Variants in DPP9 observed in about 807,000 individuals in gnomAD.
DPP9 encodes dipeptidyl peptidase IV-related protein-2.
In DPP9, 50 loss-of-function variants were observed where a neutral mutation model predicts 110.7. The observed-to-expected ratio is 0.45, with a 90% confidence interval of 0.36 to 0.57. The LOEUF is 0.57. Ranked by LOEUF, DPP9 falls within the 20% of genes least tolerant of loss-of-function variation. The probability of loss-of-function intolerance (pLI) is 0.00; values close to 1 mark genes in which losing one functional copy is unlikely to be tolerated. For missense variants in DPP9, 1,022 were observed against 1,217.9 expected (o/e 0.84, Z 2.39); for synonymous variants, 561 against 514.4 (o/e 1.09, Z -1.23).
chr19:4,681,228 C>T (rs1015590069), intron 20 of DPP9, among the ~76,000 whole-genome samples: 11 of 152,204 alleles, frequency 7.2e-5, no homozygotes, highest in African/African-American at 2.7e-4. Flanking sequence ...CAGGGTTTGA[C>T]GCTGGAGTGC....
Position 4,695,210 on chromosome 19 carries a change from C to A in DPP9, c.1353+168G>T. The A allele has an allele frequency of 1.4e-6, 1 of 704,356 alleles. No homozygotes were observed. 43.6% of individuals were successfully genotyped at this position (704,356 alleles called of 1,614,324 possible). Reference sequence around the variant, plus strand: ...AATGGCTGCCAGACTCACCAACCCCCCTAGACCCTCTTCCCTGCCAGCCAG... The same window carrying A: ...AATGGCTGCCAGACTCACCAACCCCACTAGACCCTCTTCCCTGCCAGCCAG... On this transcript the variant is annotated intron_variant, in intron 12 of 21. Coordinates refer to ENST00000262960, the MANE Select transcript of DPP9 (RefSeq NM_139159.5). The surrounding 1 kb of genome is among the most constrained non-coding windows in gnomAD (Gnocchi z 4.7).
chr19:4,675,336 TTTC>T lies in DPP9; in HGVS notation c.*1225_*1227del, dbSNP rs2088724358. 6.7e-6 allele frequency: 1 copy of T among 148,236 alleles called. No homozygotes were observed. The highest frequency in any genetic ancestry group is 2.2e-4 in the South Asian group (1 of 4,522). 9.2% of individuals were successfully genotyped at this position (148,236 alleles called of 1,614,324 possible). On this transcript the variant is annotated 3_prime_UTR_variant, in exon 22 of 22. Transcript: ENST00000262960. ...TTCCATAATATGTAGAGGTGGTTTG[TTTC>T]TTTTTTTTTTTTTTCTTTTCTTTTT...
chr19:4,717,888 T>A (rs149198977), intron 3 of DPP9: 1,548 of 152,368 alleles, frequency 0.01, 13 homozygotes, highest in Middle Eastern at 0.02. Flanking sequence ...CACCACCCTA[T>A]GCTGTGGCTC....
At position 4,702,130 on chromosome 19, in the gene DPP9, T is replaced by G. The variant is rs1478467638; in HGVS notation, c.909A>C (p.Arg303=). The G allele has an allele frequency of 8.7e-6, 14 of 1,613,626 alleles. No homozygotes were observed. Among genetic ancestry groups the G allele is most frequent in the Non-Finnish European group, 1.2e-5 (14 of 1,179,714 alleles). The part of the protein sequence containing the change: ...WEGSEGLKTL[R]ILYEEVDESE... ...ACTCATCGACTTCCTCATACAGGAT[T>G]CGCAGCGTCTTGAGGCCCTCTGAAC... The change falls in exon 9 of 22, where the codon CGA becomes CGC. Residue 303 remains arginine, a synonymous_variant. Transcript: ENST00000262960.
At chr19:4,720,623 C>T (rs1449142070) in intron 2 of DPP9, among the ~76,000 whole-genome samples, 1 of 152,192 alleles carries the variant, frequency 6.6e-6, no homozygotes, top group Non-Finnish European at 1.5e-5. Flanking sequence ...GGCGATTTGG[C>T]CCCTCAGGGG....
intron 19 of DPP9, 25 bp downstream of exon 19, chr19:4,683,452 G>A (rs1263692836): frequency 6.2e-7 from 1 of 1,611,930 alleles, no homozygotes; most frequent in Non-Finnish European, 8.5e-7. Context: ...GGGCGTGGCT[G>A]AGGCCGGCCA....
chr19:4,720,076 G>A (rs2093254527), intron 2 of DPP9, 135 bp from the exon 3 acceptor site: 2 of 727,960 alleles, frequency 2.7e-6, no homozygotes, highest in South Asian at 3.2e-5. Context: ...TGAAGCCAAG[G>A]GCATTCTGAA....
At chr19:4,719,706 C>T (rs2093234198) in intron 3 of DPP9, 145 bp downstream of exon 3, 4 of 976,230 alleles carry the variant, frequency 4.1e-6, no homozygotes, top group Non-Finnish European at 4.7e-6. Flanking sequence ...TGCCTCCTCG[C>T]TTGAAATAAC....
intron 2 of DPP9, 119 bp downstream of exon 2, chr19:4,722,380 C>T: frequency 1.6e-6 from 1 of 613,600 alleles, no homozygotes; most frequent in Non-Finnish European, 2.9e-6. Context: ...CTGCGGAGGA[C>T]AACCATCCAG....
intron 16 of DPP9, among the ~76,000 whole-genome samples, chr19:4,688,137 CTTG>C (rs1568307298): frequency 2.0e-5 from 3 of 151,952 alleles, no homozygotes; most frequent in African/African-American, 7.3e-5. Flanking sequence ...GAGTCAGGGT[CTTG>C]CTCTGTTGCC....
At chr19:4,714,400 G>A in intron 3 of DPP9, 63 bp from the exon 4 acceptor site, 3 of 1,442,700 alleles carry the variant, frequency 2.1e-6, no homozygotes, top group Non-Finnish European at 2.7e-6. Context: ...CTGCCCCAAT[G>A]CTGCCCCTTG....
chr19:4,692,923 C>T (rs998747516), intron 13 of DPP9, among the ~76,000 whole-genome samples: 6 of 152,188 alleles, frequency 3.9e-5, no homozygotes, highest in Admixed American at 6.5e-5. Flanking sequence ...CAGCTGTCAC[C>T]CCGCCGGTCC....
chr19:4,703,175 G>A (rs144771716), intron 7 of DPP9, among the ~76,000 whole-genome samples: 2 of 152,108 alleles, frequency 1.3e-5, no homozygotes, highest in Non-Finnish European at 2.9e-5. Context: ...ATGAGCAAGG[G>A]AGTGGAGAGA....
chr19:4,709,012 G>A (rs565019331), intron 4 of DPP9, among the ~76,000 whole-genome samples: 10 of 152,308 alleles, frequency 6.6e-5, no homozygotes, highest in South Asian at 6.2e-4. Context: ...CCACCTCCTG[G>A]GTTCATGCGA....
chr19:4,703,965 G>C lies in DPP9; in HGVS notation c.690C>G (p.Phe230Leu), dbSNP rs2092444591. 6.8e-6 allele frequency: 11 copies of C among 1,614,000 alleles called. No individual in the cohort carries two copies. Among genetic ancestry groups the C allele is most frequent in the Non-Finnish European group, 9.3e-6 (11 of 1,179,874 alleles). The change falls in exon 7 of 22, where the codon TTC becomes TTG. Residue 230 changes from phenylalanine (F) to leucine (L), a missense_variant. Coordinates refer to ENST00000262960, the MANE Select transcript of DPP9 (RefSeq NM_139159.5). ...ACAGGTCGCTGTTATTGATGAAGGA[G>C]AAGAAGGCAGGGTCGGCAGGGCAGA... Reference protein sequence around the residue: ...PKICPADPAFFSFINNSDLWV... With the variant: ...PKICPADPAFLSFINNSDLWV...
At position 4,694,476 on chromosome 19, in the gene DPP9, A is replaced by G. The variant is rs1374505154; in HGVS notation, c.1516+185T>C. 2 of 724,184 alleles carry G rather than the reference A, an allele frequency of 2.8e-6. No individual in the cohort carries two copies. The highest frequency in any genetic ancestry group is 4.4e-6 in the Non-Finnish European group (2 of 450,960). The allele number at this position is 724,184 out of a possible 1,614,324, so 44.9% of individuals were successfully genotyped here. On this transcript the variant is annotated intron_variant, in intron 13 of 21. Transcript: ENST00000262960. The surrounding 1 kb of genome is among the most constrained non-coding windows in gnomAD (Gnocchi z 4.0). Reference sequence around the variant, plus strand: ...AAATCTGCTGCCTGAATAAGCCAACAGTTGGGTGCTCTAAGCCCTGCCAGA... The same window carrying G: ...AAATCTGCTGCCTGAATAAGCCAACGGTTGGGTGCTCTAAGCCCTGCCAGA...
chr19:4,712,136 G>A (rs547304388), intron 4 of DPP9, among the ~76,000 whole-genome samples: 20 of 152,310 alleles, frequency 1.3e-4, no homozygotes, highest in East Asian at 9.6e-4. Context: ...AAGAGGCAAC[G>A]GCCCATGGCA....
At chr19:4,721,578 C>G (rs912580808) in intron 2 of DPP9, among the ~76,000 whole-genome samples, 1 of 152,152 alleles carries the variant, frequency 6.6e-6, no homozygotes, top group East Asian at 1.9e-4. Flanking sequence ...GTCTGGAGTT[C>G]GAGACCAGCC....
At position 4,704,397 on chromosome 19, in the gene DPP9, G is replaced by A. The variant is rs1031355891; in HGVS notation, c.427-93C>T. 2.0e-6 allele frequency: 3 copies of A among 1,464,050 alleles called. No individual in the cohort carries two copies. Among genetic ancestry groups the A allele is most frequent in the Non-Finnish European group, 2.8e-6 (3 of 1,078,548 alleles). The allele number at this position is 1,464,050 out of a possible 1,614,324, so 90.7% of individuals were successfully genotyped here. Reference sequence around the variant, plus strand: ...AGATCCTCGGGCTGGGGCATTCCCAGGGAATCTGACTTCGGGCCTCGCCAG... The same window carrying A: ...AGATCCTCGGGCTGGGGCATTCCCAAGGAATCTGACTTCGGGCCTCGCCAG... On this transcript the variant is annotated intron_variant, in intron 5 of 21. Coordinates refer to ENST00000262960, the MANE Select transcript of DPP9 (RefSeq NM_139159.5). The surrounding 1 kb of genome is among the most constrained non-coding windows in gnomAD (Gnocchi z 6.0).
Sources: allele counts gnomAD v4.1 joint callset (sites outside exome capture counted in the v4.1 genomes callset), GRCh38; gene constraint gnomAD v4.1.1; non-coding constraint Gnocchi (gnomAD v3.1); transcripts MANE v1.5; gene names NCBI Gene and HGNC (gene_info 2026-07-23, HGNC 2026-07-21).